TSPYL2: variants seen among roughly 807,000 people sequenced by gnomAD.
TSPYL2 encodes the protein TSPY like 2.
A neutral mutation model predicts 33.0 loss-of-function variants in TSPYL2; 9 were observed. The ratio of observed to expected loss-of-function variants is 0.27; its 90% CI spans 0.16 to 0.48. The LOEUF (loss-of-function observed/expected upper bound fraction) is 0.48. TSPYL2 is among the 20% of genes least tolerant of loss of function. TSPYL2 has a pLI of 0.99. For synonymous variants in TSPYL2, 330 were observed against 233.6 expected (o/e 1.41, Z -3.77); for missense variants, 636 against 586.2 (o/e 1.08, Z -0.88).
chrX:53,083,993 G>A (rs1455386812), intron 1 of TSPYL2, among the ~76,000 whole-genome samples: 1 of 111,920 alleles, frequency 8.9e-6, no homozygotes, highest in Non-Finnish European at 1.9e-5. Flanking sequence ...GAATTATGTG[G>A]ATACAGACCC....
intron 6 of TSPYL2, 91 bp from the exon 7 acceptor site, chrX:53,087,685 G>A (rs1556809116): frequency 1.5e-5 from 15 of 1,008,891 alleles, no homozygotes; most frequent in Non-Finnish European, 2.0e-5. Flanking sequence ...AAAAACCCTG[G>A]CTATGGTCTC....
rs1325264549 is a variant in TSPYL2, at chrX:53,082,475, C to T, written c.-24C>T. On this transcript the variant is annotated 5_prime_UTR_variant, in exon 1 of 7. Coordinates refer to ENST00000375442, the MANE Select transcript of TSPYL2 (RefSeq NM_022117.4). ...AAGCGAAGGGGCGAGTGCGAGTCCC[C>T]TGAGCTGTACGAACGCGGTCGCCAT... 7.0e-6 allele frequency: 8 copies of T among 1,140,876 alleles called. No individual in the cohort carries two copies. Among genetic ancestry groups the T allele is most frequent in the Non-Finnish European group, 6.9e-6 (6 of 865,618 alleles). The allele number at this position is 1,140,876 out of a possible 1,213,427, so 94.0% of individuals were successfully genotyped here. A position where few individuals can be genotyped will look rare whatever the true frequency, so the allele number is the denominator to read the frequency against.
At chrX:53,083,891 A>G (rs1311150081) in intron 1 of TSPYL2, among the ~76,000 whole-genome samples, 3 of 111,874 alleles carry the variant, frequency 2.7e-5, no homozygotes, top group African/African-American at 9.8e-5. Context: ...GTGTCTAGGT[A>G]TAGAGAAAAA....
chrX:53,085,423 C>A, intron 5 of TSPYL2, 102 bp downstream of exon 5: 1 of 791,652 alleles, frequency 1.3e-6, no homozygotes, highest in Non-Finnish European at 1.8e-6. Flanking sequence ...TGAGATAATC[C>A]CAGTGGAATA....
chrX:53,086,769 G>T lies in TSPYL2; in HGVS notation c.1918+459G>T, dbSNP rs782514937. 8 of 137,039 alleles carry T rather than the reference G, an allele frequency of 5.8e-5. No individual in the cohort carries two copies. In the South Asian group the frequency reaches 6.0e-4, roughly 10 times the overall value. The allele number at this position is 137,039 out of a possible 1,213,427, so 11.3% of individuals were successfully genotyped here. ...CCAGTTCTACCTCAAGAATCGGGGT[G>T]GGGGGGGTGGCGGGGGAAGAGCTAG... is the stretch of plus-strand genomic sequence containing the variant. On this transcript the variant is annotated intron_variant, in intron 6 of 6. Coordinates refer to ENST00000375442, the MANE Select transcript of TSPYL2 (RefSeq NM_022117.4).
rs782237329 is a variant in TSPYL2, at chrX:53,085,326, T to C, written c.1238+5T>C. 1.1e-5 allele frequency: 13 copies of C among 1,192,146 alleles called. No homozygotes were observed. The highest frequency in any genetic ancestry group is 1.5e-5 in the Non-Finnish European group (13 of 882,861). ...GAAGCAAGAAATGAAGAAACGGTAATGGGAGTTTGGTCGCTGAGAGGTGGT... is the reference window on the plus strand; with the variant it reads ...GAAGCAAGAAATGAAGAAACGGTAACGGGAGTTTGGTCGCTGAGAGGTGGT... On this transcript the variant is annotated splice_donor_5th_base_variant and intron_variant, in intron 5 of 6. Transcript: ENST00000375442.
chrX:53,086,291 A>G lies in TSPYL2; in HGVS notation c.1899A>G (p.Glu633=), dbSNP rs782503991. The change falls in exon 6 of 7, where the codon GAA becomes GAG. Residue 633 remains glutamate (E), a synonymous_variant. Transcript: ENST00000375442. ...VIEIISDESV[E]EEGIEEGIQQ... The stretch of plus-strand genomic sequence containing the variant: ...AGATCATCTCAGACGAATCAGTGGA[A>G]GAAGAGGGCATTGAGGAAGGTGAGC... 8.3e-7 allele frequency: 1 copy of G among 1,209,081 alleles called. No individual in the cohort carries two copies. Among genetic ancestry groups the G allele is most frequent in the Non-Finnish European group, 1.1e-6 (1 of 894,707 alleles).
Position 53,084,738 on chromosome X carries a change from A to AC in TSPYL2, c.886-12dup. 1 of 1,192,256 alleles carries AC rather than the reference A, an allele frequency of 8.4e-7. No individual in the cohort carries two copies. Among genetic ancestry groups the AC allele is most frequent in the South Asian group, 1.8e-5 (1 of 56,039 alleles). On this transcript the variant is annotated splice_polypyrimidine_tract_variant and intron_variant, in intron 2 of 6. Coordinates refer to ENST00000375442, the MANE Select transcript of TSPYL2 (RefSeq NM_022117.4). ...TGGGGGGGGGACAGATTCCACCATC[A>AC]CCCCCACCTGGAGCAGGTACAGGAT... is the stretch of plus-strand genomic sequence containing the variant.
chrX:53,083,181 C>T lies in TSPYL2; in HGVS notation c.683C>T (p.Ala228Val). Residue 228 changes from alanine to valine, a missense_variant, in exon 1 of 7, where the codon GCA (alanine) becomes GTA (valine). By Grantham distance (64) the Ala-to-Val change is moderately conservative (BLOSUM62 0). Coordinates refer to ENST00000375442, the MANE Select transcript of TSPYL2 (RefSeq NM_022117.4). Reference sequence around the variant, plus strand: ...GAGGATATTCAGCTGGATCTGGAGGCAGTGAACATCAAGGCAGGCAAAGCC... The same window carrying T: ...GAGGATATTCAGCTGGATCTGGAGGTAGTGAACATCAAGGCAGGCAAAGCC... ...ALEDIQLDLE[A>V]VNIKAGKAFL... 8.3e-7 allele frequency: 1 copy of T among 1,211,006 alleles called. No homozygotes were observed. Among genetic ancestry groups the T allele is most frequent in the East Asian group, 3.0e-5 (1 of 33,848 alleles).
chrX:53,084,894 T>C (rs1556807992), intron 3 of TSPYL2, 28 bp downstream of exon 3: 3 of 1,208,979 alleles, frequency 2.5e-6, no homozygotes, highest in Admixed American at 2.2e-5. Context: ...AGTAAATCCA[T>C]GTTCCCCCCC....
In TSPYL2 at chrX:53,082,897, G is replaced by A; in HGVS notation, c.399G>A (p.Gln133=). Residue 133 remains glutamine (Q), a synonymous_variant, in exon 1 of 7, where the codon CAG becomes CAA. Coordinates refer to ENST00000375442, the MANE Select transcript of TSPYL2 (RefSeq NM_022117.4). Reference sequence around the variant, plus strand: ...GGGGGAGCCTGGAAATCGATTTTCAGGTTGTACAGTCGAGCAGTTTTGGTG... The same window carrying A: ...GGGGGAGCCTGGAAATCGATTTTCAAGTTGTACAGTCGAGCAGTTTTGGTG... ...ASGGSLEIDF[Q]VVQSSSFGGE... 1.7e-6 allele frequency: 2 copies of A among 1,211,262 alleles called. No homozygotes were observed. Among genetic ancestry groups the A allele is most frequent in the Non-Finnish European group, 2.2e-6 (2 of 895,362 alleles).
chrX:53,082,409 G>T lies in TSPYL2; in HGVS notation c.-90G>T. On this transcript the variant is annotated 5_prime_UTR_variant, in exon 1 of 7. Transcript: ENST00000375442. ...AGAGCTGGTTGCGTGAGTCTCCTCA[G>T]CTCTGCTTACCGGTGCGACTAGCGG... 4.3e-6 allele frequency: 4 copies of T among 937,553 alleles called. No individual in the cohort carries two copies. Among genetic ancestry groups the T allele is most frequent in the Admixed American group, 3.7e-5 (1 of 27,290 alleles). The allele number at this position is 937,553 out of a possible 1,213,427, so 77.3% of individuals were successfully genotyped here.
At chrX:53,084,209 A>G (rs1556807775) in intron 1 of TSPYL2, among the ~76,000 whole-genome samples, 1 of 112,187 alleles carries the variant, frequency 8.9e-6, no homozygotes, top group Non-Finnish European at 1.9e-5. Context: ...CATACATACA[A>G]TAACGTGACC....
In TSPYL2 at chrX:53,086,302, T is replaced by G; in HGVS notation, c.1910T>G (p.Ile637Ser). The change falls in exon 6 of 7, where the codon ATT becomes AGT. Residue 637 changes from isoleucine to serine, a missense_variant. Ile to Ser is a moderately radical substitution (Grantham distance 142). Coordinates refer to ENST00000375442, the MANE Select transcript of TSPYL2 (RefSeq NM_022117.4). ...ISDESVEEEG[I>S]EEGIQQDEDI... is the part of the protein sequence containing the mutation. ...GACGAATCAGTGGAAGAAGAGGGCA[T>G]TGAGGAAGGTGAGCTAATCCCCCCC... 8.3e-7 allele frequency: 1 copy of G among 1,201,251 alleles called. No homozygotes were observed. Among genetic ancestry groups the G allele is most frequent in the South Asian group, 1.8e-5 (1 of 56,486 alleles).
rs1556809241 is a variant in TSPYL2 at position 53,087,974 on chromosome X, C to T, written c.*35C>T. 25 of 1,187,084 alleles carry T rather than the reference C, an allele frequency of 2.1e-5. No homozygotes were observed. The highest frequency in any genetic ancestry group is 2.8e-5 in the Non-Finnish European group (25 of 877,203). On this transcript the variant is annotated 3_prime_UTR_variant, in exon 7 of 7. Coordinates refer to ENST00000375442, the MANE Select transcript of TSPYL2 (RefSeq NM_022117.4). The stretch of plus-strand genomic sequence containing the variant: ...CCTTTTGGGGATCACCTCTCTGTAT[C>T]CCCCACCCACTATCCCATTTGCCCT...
chrX:53,086,292 G>T lies in TSPYL2; in HGVS notation c.1900G>T (p.Glu634Ter). 2.5e-6 allele frequency: 3 copies of T among 1,205,864 alleles called. No individual in the cohort carries two copies. The highest frequency in any genetic ancestry group is 3.4e-6 in the Non-Finnish European group (3 of 892,625). ...GATCATCTCAGACGAATCAGTGGAA[G>T]AAGAGGGCATTGAGGAAGGTGAGCT... Reference protein sequence around the residue: ...IEIISDESVEEEGIEEGIQQD... With the variant: ...IEIISDESVE The change falls in exon 6 of 7, where the codon GAA (glutamate) becomes TAA (stop). Residue 634 changes from glutamate (E) to a stop codon, truncating the protein, a stop_gained. Transcript: ENST00000375442. LOFTEE classifies it low-confidence loss of function (END_TRUNC).
rs1022757739 is a variant in TSPYL2 at position 53,088,288 on chromosome X, C to G, written c.*349C>G. 5.5e-6 allele frequency: 1 copy of G among 183,440 alleles called. No individual in the cohort carries two copies. Among genetic ancestry groups the G allele is most frequent in the Non-Finnish European group, 1.0e-5 (1 of 97,086 alleles). 15.1% of individuals were successfully genotyped at this position (183,440 alleles called of 1,213,427 possible). On this transcript the variant is annotated 3_prime_UTR_variant, in exon 7 of 7. Coordinates refer to ENST00000375442, the MANE Select transcript of TSPYL2 (RefSeq NM_022117.4). ...CTGTGTGGAGTGGACACCCTGACCC[C>G]CGAAGCGGGGAGGGCCGCTGTGGCC...
In TSPYL2 at chrX:53,084,843, A is replaced by G; in HGVS notation, c.974A>G (p.Lys325Arg). 1.7e-6 allele frequency: 2 copies of G among 1,211,518 alleles called. No individual in the cohort carries two copies. Among genetic ancestry groups the G allele is most frequent in the Non-Finnish European group, 2.2e-6 (2 of 895,190 alleles). Residue 325 changes from lysine to arginine, a missense_variant, in exon 3 of 7, where the codon AAG becomes AGG. This residue lies in a region of TSPYL2 where 401 missense variants were observed against 363.0 expected (regional missense o/e 1.10). Coordinates refer to ENST00000375442, the MANE Select transcript of TSPYL2 (RefSeq NM_022117.4). ...TACTTCACAAACATGGTGATTGTCA[A>G]GGAGTTCCAGCGCAACCGCTCAGGT... ...NPYFTNMVIV[K>R]EFQRNRSGRL... is the part of the protein sequence containing the mutation.
At chrX:53,085,590 C>T (rs782503030) in intron 5 of TSPYL2, 41 bp from the exon 6 acceptor site, 1 of 1,179,210 alleles carries the variant, frequency 8.5e-7, no homozygotes, top group East Asian at 3.0e-5. Context: ...GAGTACACCA[C>T]CTCCCACCAA....
Sources: gnomAD v4.1 joint callset for allele counts (sites outside exome capture counted in the v4.1 genomes callset) on GRCh38, gnomAD v4.1.1 for gene constraint, gnomAD v4.1.1 regional missense constraint, MANE v1.5 for transcripts, NCBI Gene and HGNC (gene_info 2026-07-23, HGNC 2026-07-21) for gene names.